PTBP2: variants seen among roughly 807,000 people sequenced by gnomAD.
The protein encoded by PTBP2 is polypyrimidine tract-binding protein 2.
A neutral mutation model predicts 61.4 loss-of-function variants in PTBP2; 13 were observed. The observed-to-expected ratio is 0.21, with a 90% confidence interval of 0.14 to 0.34. The LOEUF (loss-of-function observed/expected upper bound fraction) is 0.34, where lower values mean the gene tolerates loss of function less well. Ranked by LOEUF, PTBP2 falls within the 10% of genes least tolerant of loss-of-function variation. The probability of loss-of-function intolerance (pLI) is 1.00; values close to 1 mark genes in which losing one functional copy is unlikely to be tolerated. For synonymous variants in PTBP2, 215 were observed against 218.5 expected (o/e 0.98, Z 0.14); for missense variants, 405 against 642.6 (o/e 0.63, Z 4.00).
Position 96,757,664 on chromosome 1 carries a change from A to G in PTBP2, c.115+6164A>G, listed in dbSNP as rs543373338. 3.4e-4 allele frequency among the ~76,000 whole-genome samples: 52 copies of G among 152,324 alleles called. 1 individual carries two copies. Among genetic ancestry groups the G allele is most frequent in the Admixed American group, 2.8e-3 (43 of 15,310 alleles). On this transcript the variant is annotated intron_variant, in intron 3 of 13. Transcript: ENST00000674951. ...TTCAAGTGTACATAGAACATTCACA[A>G]TGATAGACCTTATATTGGATTATAA... is the stretch of plus-strand genomic sequence containing the variant.
intron 8 of PTBP2, among the ~76,000 whole-genome samples, chr1:96,803,532 T>C (rs758349064): frequency 6.6e-6 from 1 of 151,968 alleles, no homozygotes; most frequent in Non-Finnish European, 1.5e-5. Flanking sequence ...TCAGAAGAGA[T>C]AAAGGCTGAA....
chr1:96,791,420 A>G (rs190271848), intron 8 of PTBP2, among the ~76,000 whole-genome samples: 5 of 152,332 alleles, frequency 3.3e-5, no homozygotes, highest in African/African-American at 9.6e-5. Flanking sequence ...GGGTTTCAGT[A>G]TCCTACAAAG....
chr1:96,801,679 G>A (rs1661010891), intron 8 of PTBP2, among the ~76,000 whole-genome samples: 2 of 151,154 alleles, frequency 1.3e-5, no homozygotes, highest in Admixed American at 1.3e-4. Context: ...TGGCCAACAT[G>A]GTGAAACCCC....
chr1:96,764,911 C>T (rs1656490493), intron 3 of PTBP2, among the ~76,000 whole-genome samples: 1 of 152,186 alleles, frequency 6.6e-6, no homozygotes, highest in Non-Finnish European at 1.5e-5. Context: ...CTACACCACA[C>T]AACTACTTGG....
At chr1:96,751,213 A>G in intron 2 of PTBP2, 1 of 628,256 alleles carries the variant, frequency 1.6e-6, no homozygotes, top group South Asian at 1.7e-5. Flanking sequence ...TTTTGGGCTT[A>G]GAGTAAAGAA....
intron 3 of PTBP2, among the ~76,000 whole-genome samples, chr1:96,765,842 G>T (rs1656645422): frequency 1.3e-5 from 2 of 152,114 alleles, no homozygotes; most frequent in South Asian, 4.1e-4. Context: ...AACAATTTTG[G>T]GGAATGAATG....
Position 96,777,567 on chromosome 1 carries a change from C to T in PTBP2, c.433-18C>T. On this transcript the variant is annotated intron_variant, in intron 5 of 13. Transcript: ENST00000674951. Reference sequence around the variant, plus strand: ...CAATAATGGGTATGTTTCTAAACTACATAATCTTAATTTCCAGCGTGCTCA... The same window carrying T: ...CAATAATGGGTATGTTTCTAAACTATATAATCTTAATTTCCAGCGTGCTCA... 3 of 1,592,134 alleles carry T rather than the reference C, an allele frequency of 1.9e-6. No homozygotes were observed. Among genetic ancestry groups the T allele is most frequent in the Non-Finnish European group, 2.6e-6 (3 of 1,170,288 alleles).
chr1:96,812,980 T>C lies in PTBP2; in HGVS notation c.1389-49T>C, dbSNP rs199951960. ...AGATACATTCTATTTTGATAAAATA[T>C]GAAATTTATTCTTAATCTTCACTTT... On this transcript the variant is annotated intron_variant, in intron 12 of 13. Transcript: ENST00000674951. 103 of 1,593,584 alleles carry C rather than the reference T, an allele frequency of 6.5e-5. No homozygotes were observed. In the East Asian group the frequency reaches 1.9e-3, roughly 30 times the overall value.
At chr1:96,738,656 C>A (rs1652561317) in intron 2 of PTBP2, among the ~76,000 whole-genome samples, 1 of 152,146 alleles carries the variant, frequency 6.6e-6, no homozygotes, top group Admixed American at 6.5e-5. Context: ...TTCTAACTTG[C>A]ATGATTGTTG....
At chr1:96,806,330 C>T (rs929581039) in intron 9 of PTBP2, 89 bp from the exon 10 acceptor site, 2 of 1,101,808 alleles carry the variant, frequency 1.8e-6, no homozygotes, top group Non-Finnish European at 2.8e-6. Flanking sequence ...GGGAACCACC[C>T]TTCGTTATGG....
intron 2 of PTBP2, among the ~76,000 whole-genome samples, chr1:96,736,711 T>C (rs1652242410): frequency 1.3e-5 from 2 of 152,092 alleles, no homozygotes. Context: ...TAAGATAGGG[T>C]CTTGCTCTGT....
rs1387638829 is a variant in PTBP2 at position 96,738,034 on chromosome 1, CCTTAA to C, written c.40-13387_40-13383del. ...ACTCCAATAAACACAGTTCCACTTT[CCTTAA>C]CTTCTCAGAAAGATACTTTGCTATT... is the stretch of plus-strand genomic sequence containing the variant. On this transcript the variant is annotated intron_variant, in intron 2 of 13. Coordinates refer to ENST00000674951, the MANE Select transcript of PTBP2 (RefSeq NM_021190.4). Among the ~76,000 whole-genome samples, 5 of 152,244 alleles carry C rather than the reference CCTTAA, an allele frequency of 3.3e-5. No individual in the cohort carries two copies. The East Asian group carries it at 9.6e-4, about 29-fold the overall frequency.
intron 1 of PTBP2, among the ~76,000 whole-genome samples, chr1:96,722,147 C>T (rs1649667235): frequency 6.6e-6 from 1 of 152,046 alleles, no homozygotes; most frequent in African/African-American, 2.4e-5. Flanking sequence ...GGCTTGGCGG[C>T]GGGGGATGGG....
intron 11 of PTBP2, among the ~76,000 whole-genome samples, chr1:96,810,145 C>G (rs539405021): frequency 6.6e-6 from 1 of 152,180 alleles, no homozygotes; most frequent in South Asian, 2.1e-4. Context: ...TTAATAATCT[C>G]TTTCATAGAT....
intron 8 of PTBP2, among the ~76,000 whole-genome samples, chr1:96,789,178 G>A (rs1659524180): frequency 6.6e-6 from 1 of 152,034 alleles, no homozygotes; most frequent in Non-Finnish European, 1.5e-5. Flanking sequence ...TGTACAAAGA[G>A]TGTTTATTTT....
chr1:96,786,202 A>G (rs1379508425), intron 8 of PTBP2, among the ~76,000 whole-genome samples: 2 of 152,194 alleles, frequency 1.3e-5, no homozygotes, highest in Non-Finnish European at 2.9e-5. Flanking sequence ...CAGTCATGCC[A>G]TCAGTTTGTG....
At chr1:96,735,268 A>G (rs140531068) in intron 2 of PTBP2, among the ~76,000 whole-genome samples, 2 of 152,282 alleles carry the variant, frequency 1.3e-5, no homozygotes, top group East Asian at 3.9e-4. Context: ...AAAGAAATGT[A>G]ACTTAAAATT....
chr1:96,819,106 A>G (rs1221810048), downstream of PTBP2: 1 of 152,040 alleles, frequency 6.6e-6, no homozygotes, highest in Non-Finnish European at 1.5e-5. Flanking sequence ...ATGCAAATTA[A>G]TACTCAATTC....
downstream of PTBP2, chr1:96,816,409 G>C (rs906647721): frequency 6.6e-6 from 1 of 152,150 alleles, no homozygotes; most frequent in Admixed American, 6.5e-5. Context: ...TTAGGACTTA[G>C]CTGCTTTGTT....
Sources: allele counts gnomAD v4.1 joint callset (sites outside exome capture counted in the v4.1 genomes callset), GRCh38; gene constraint gnomAD v4.1.1; transcripts MANE v1.5; gene names NCBI Gene and HGNC (gene_info 2026-07-23, HGNC 2026-07-21).